The following RGS6 variants were observed in gnomAD, a reference collection of about 807,000 sequenced individuals.
RGS6 encodes the protein regulator of G-protein signaling 6.
RGS6 carries 30 observed loss-of-function variants against 78.5 expected under a neutral mutation model. That is an observed-to-expected ratio of 0.38 (90% CI 0.29 to 0.52). RGS6 has a LOEUF of 0.52. RGS6 is among the 20% of genes least tolerant of loss of function. The pLI, the probability that RGS6 is intolerant of heterozygous loss-of-function variation, is 0.85. For synonymous variants in RGS6, 206 were observed against 206.0 expected (o/e 1.00, Z 0.00); for missense variants, 495 against 609.7 (o/e 0.81, Z 1.98).
At chr14:72,402,790 GTTTT>G (rs1167831473) in intron 3 of RGS6, among the ~76,000 whole-genome samples, 5 of 75,796 alleles carry the variant, frequency 6.6e-5, no homozygotes, top group African/African-American at 2.8e-4. Context: ...TGTTTTTTTG[GTTTT>G]TTTTTTTTTT....
intron 2 of RGS6, among the ~76,000 whole-genome samples, chr14:72,080,537 T>C (rs1317648706): frequency 2.6e-5 from 4 of 152,166 alleles, no homozygotes; most frequent in African/African-American, 7.2e-5. Flanking sequence ...ATCCCACTTA[T>C]CTATTTTTTG....
chr14:71,963,191 C>T (rs2093321625), intron 1 of RGS6, among the ~76,000 whole-genome samples: 1 of 152,102 alleles, frequency 6.6e-6, no homozygotes, highest in Non-Finnish European at 1.5e-5. Context: ...GGGAAATTAA[C>T]AAAAGAAACC....
At chr14:71,948,472 G>A (rs2091858988) in intron 1 of RGS6, among the ~76,000 whole-genome samples, 1 of 152,160 alleles carries the variant, frequency 6.6e-6, no homozygotes, top group Admixed American at 6.5e-5. Flanking sequence ...AACCCAATAT[G>A]CTGCATCCTT....
Position 72,544,034 on chromosome 14 carries a change from GCT to G in RGS6, c.1422+3947_1422+3948del, listed in dbSNP as rs556825110. 4.6e-5 allele frequency among the ~76,000 whole-genome samples: 7 copies of G among 152,332 alleles called. No homozygotes were observed. In the East Asian group the frequency reaches 1.4e-3, roughly 29 times the overall value. On this transcript the variant is annotated intron_variant, in intron 17 of 17. Transcript: ENST00000553525. ...CATGAGCCACCACACCCCGCCCTCT[GCT>G]CTCTCTTAAGTGTGCTTGTTGCTTC...
In RGS6 at chr14:72,416,842, G is replaced by A. The variant is rs545612278; in HGVS notation, c.185-37686G>A. 6.6e-5 allele frequency among the ~76,000 whole-genome samples: 10 copies of A among 152,310 alleles called. No individual in the cohort carries two copies. In the East Asian group the frequency reaches 1.9e-3, roughly 29 times the overall value. The stretch of plus-strand genomic sequence containing the variant: ...ATGCCAGTTATGTGATTTTGGGCCA[G>A]TTTCTTAATCTCTCAATGTCTCAAC... On this transcript the variant is annotated intron_variant, in intron 3 of 17. Transcript: ENST00000553525.
chr14:72,541,262 GAA>G (rs1261979179), intron 17 of RGS6: 1 of 1,454,340 alleles, frequency 6.9e-7, no homozygotes, highest in African/African-American at 1.4e-5. Context: ...ATCCTTTTAA[GAA>G]AAAGTCTAAG....
chr14:72,110,380 T>A (rs1309933758), intron 2 of RGS6, among the ~76,000 whole-genome samples: 1 of 152,232 alleles, frequency 6.6e-6, no homozygotes, highest in Non-Finnish European at 1.5e-5. Flanking sequence ...TCTCTTCTCA[T>A]CACTGTGGGC....
chr14:72,629,576 C>A, the RGS6 span: 1 of 1,496,816 alleles, frequency 6.7e-7, no homozygotes. Context: ...CTCAAAGGAC[C>A]CCAGCTCTGT....
At chr14:72,595,756 T>C in the RGS6 span, among the ~76,000 whole-genome samples, 4 of 152,264 alleles carry the variant, frequency 2.6e-5, no homozygotes, top group Non-Finnish European at 4.4e-5. Flanking sequence ...GTATTTAGCA[T>C]GGTGTTGAGA....
intron 3 of RGS6, among the ~76,000 whole-genome samples, chr14:72,423,903 G>A (rs2094321419): frequency 6.6e-6 from 1 of 152,180 alleles, no homozygotes; most frequent in South Asian, 2.1e-4. Flanking sequence ...GTGACACTAG[G>A]GATTATAGAA....
At chr14:71,954,091 T>G (rs1000930091) in intron 1 of RGS6, among the ~76,000 whole-genome samples, 2 of 151,560 alleles carry the variant, frequency 1.3e-5, no homozygotes, top group African/African-American at 4.8e-5. Context: ...TCTTTTAAGA[T>G]TTCCTCTTTG....
intron 3 of RGS6, among the ~76,000 whole-genome samples, chr14:72,353,844 C>T (rs1209731103): frequency 3.9e-5 from 6 of 151,914 alleles, no homozygotes; most frequent in Non-Finnish European, 7.4e-5. Flanking sequence ...ATTAGCCGGG[C>T]GTAGTGGTGC....
chr14:72,051,481 A>G (rs1263991497), intron 2 of RGS6, among the ~76,000 whole-genome samples: 1 of 152,220 alleles, frequency 6.6e-6, no homozygotes, highest in Non-Finnish European at 1.5e-5. Flanking sequence ...GGCAAAAAAT[A>G]TTAGTACTTA....
intron 2 of RGS6, among the ~76,000 whole-genome samples, chr14:72,262,145 G>A (rs1383347641): frequency 1.3e-5 from 2 of 152,014 alleles, no homozygotes; most frequent in Non-Finnish European, 2.9e-5. Flanking sequence ...TGTTCCTTTT[G>A]GAGAGCGGTG....
chr14:72,406,943 G>T (rs2092983640), intron 3 of RGS6, among the ~76,000 whole-genome samples: 1 of 152,172 alleles, frequency 6.6e-6, no homozygotes. Context: ...GGTCCACATT[G>T]TCCAGATATC....
chr14:72,383,523 C>T (rs940348265), intron 3 of RGS6, among the ~76,000 whole-genome samples: 23 of 152,176 alleles, frequency 1.5e-4, no homozygotes, highest in Middle Eastern at 3.4e-3. Context: ...CATTCGGCTG[C>T]GCTCTAGTTA....
In RGS6 at chr14:72,195,157, G is replaced by A. The variant is rs142536657; in HGVS notation, c.85-156938G>A. On this transcript the variant is annotated intron_variant, in intron 2 of 17. Coordinates refer to ENST00000553525, the MANE Select transcript of RGS6 (RefSeq NM_001204424.2). Reference sequence around the variant, plus strand: ...CAGAAGTCAGAGGTTGCAGTGAGCCGAGATCGCACCACTGCACTCCGGCCT... The same window carrying A: ...CAGAAGTCAGAGGTTGCAGTGAGCCAAGATCGCACCACTGCACTCCGGCCT... 4.0e-3 allele frequency among the ~76,000 whole-genome samples: 606 copies of A among 151,942 alleles called. 7 individuals carry two copies. Among genetic ancestry groups the A allele is most frequent in the African/African-American group, 0.014 (575 of 41,434 alleles).
chr14:72,105,931 G>A (rs1264524401), intron 2 of RGS6, among the ~76,000 whole-genome samples: 1 of 152,188 alleles, frequency 6.6e-6, no homozygotes, highest in East Asian at 1.9e-4. Context: ...AAGGAAAACA[G>A]TGCCTGACCT....
intron 2 of RGS6, among the ~76,000 whole-genome samples, chr14:72,025,620 G>A (rs566263494): frequency 6.6e-6 from 1 of 152,208 alleles, no homozygotes; most frequent in African/African-American, 2.4e-5. Flanking sequence ...GGCCAAGTCT[G>A]ATCATCCTCT....
Sources: allele counts gnomAD v4.1 joint callset (sites outside exome capture counted in the v4.1 genomes callset), GRCh38; gene constraint gnomAD v4.1.1; transcripts MANE v1.5; gene names NCBI Gene and HGNC (gene_info 2026-07-23, HGNC 2026-07-21).